Variants in IDH2 observed in about 807,000 individuals in gnomAD.
IDH2 encodes isocitrate dehydrogenase (NADP(+)) 2, also known as isocitrate dehydrogenase [NADP], mitochondrial.
IDH2 carries 18 observed loss-of-function variants against 50.5 expected under a neutral mutation model. That is an observed-to-expected ratio of 0.36 (90% CI 0.25 to 0.53). The LOEUF (loss-of-function observed/expected upper bound fraction) is 0.53, where lower values mean the gene tolerates loss of function less well. IDH2 is among the 20% of genes least tolerant of loss of function. The probability of loss-of-function intolerance (pLI) is 0.92; values close to 1 mark genes in which losing one functional copy is unlikely to be tolerated. For synonymous variants in IDH2, 280 were observed against 239.8 expected (o/e 1.17, Z -1.55); for missense variants, 518 against 610.7 (o/e 0.85, Z 1.60).
rs370791067 is a variant in IDH2, at chr15:90,088,517, G to C, written c.535-15C>G. ...GTGGCCTTGTACTGCAGAGACAAGA[G>C]GATGGCTAGGCGAGGAGCTCCAGTC... On this transcript the variant is annotated splice_polypyrimidine_tract_variant and intron_variant, in intron 4 of 10. Coordinates refer to ENST00000330062, the MANE Select transcript of IDH2 (RefSeq NM_002168.4). 6.2e-7 allele frequency: 1 copy of C among 1,614,112 alleles called. No individual in the cohort carries two copies. Among genetic ancestry groups the C allele is most frequent in the African/African-American group, 1.3e-5 (1 of 74,940 alleles).
At position 90,084,316 on chromosome 15, in the gene IDH2, A is replaced by G; in HGVS notation, c.1309T>C (p.Phe437Leu). The G allele has an allele frequency of 6.2e-7, 1 of 1,614,044 alleles. No individual in the cohort carries two copies. Among genetic ancestry groups the G allele is most frequent in the Non-Finnish European group, 8.5e-7 (1 of 1,179,988 alleles). Residue 437 changes from phenylalanine (F) to leucine (L), a missense_variant, in exon 11 of 11, where the codon TTC (phenylalanine) becomes CTC (leucine). Phe to Leu is a conservative substitution (Grantham distance 22, BLOSUM62 0). Around this residue, in one of 5 missense-constraint regions of IDH2, gnomAD observed 135 missense variants for 167.6 expected, o/e 0.81. Coordinates refer to ENST00000330062, the MANE Select transcript of IDH2 (RefSeq NM_002168.4). The surrounding 1 kb of genome is among the most constrained non-coding windows in gnomAD (Gnocchi z 5.0). Reference protein sequence around the residue: ...LNEHFLNTTDFLDTIKSNLDR... With the variant: ...LNEHFLNTTDLLDTIKSNLDR... The stretch of plus-strand genomic sequence containing the variant: ...AGGTTGCTCTTGATGGTGTCGAGGA[A>G]GTCCGTGGTGTTCAGGAAGTGCTCG...
At position 90,085,241 on chromosome 15, in the gene IDH2, AG is replaced by A; in HGVS notation, c.1080+33del. Reference sequence around the variant, plus strand: ...AGTGGGCTTTAGGCCCCTGGGGTAGAGGGGCATTGTGAGGCCCCATGCCCTG... The same window carrying A: ...AGTGGGCTTTAGGCCCCTGGGGTAGAGGGCATTGTGAGGCCCCATGCCCTG... On this transcript the variant is annotated intron_variant, in intron 8 of 10. Transcript: ENST00000330062. This position sits in a 1 kb window ranked among gnomAD's most constrained non-coding sequence, Gnocchi z 5.5. The A allele has an allele frequency of 6.6e-7, 1 of 1,524,326 alleles. No homozygotes were observed. The allele number at this position is 1,524,326 out of a possible 1,614,324, so 94.4% of individuals were successfully genotyped here.
intron 7 of IDH2, 122 bp downstream of exon 7, chr15:90,086,988 CCA>C (rs1158613014): frequency 1.4e-5 from 15 of 1,053,920 alleles, no homozygotes; most frequent in Non-Finnish European, 2.2e-5. Context: ...CCCCTGCTGT[CCA>C]CAGAGGACCC....
intron 5 of IDH2, among the ~76,000 whole-genome samples, chr15:90,088,022 A>G (rs1351429561): frequency 6.6e-6 from 1 of 152,026 alleles, no homozygotes; most frequent in East Asian, 1.9e-4. Context: ...GGGGATAAAG[A>G]GGCATTCTCT....
chr15:90,098,669 G>A lies in IDH2; in HGVS notation c.115+3607C>T, dbSNP rs1459013809. Among the ~76,000 whole-genome samples, 2 of 71,586 alleles carry A rather than the reference G, an allele frequency of 2.8e-5. No homozygotes were observed. The highest frequency in any genetic ancestry group is 1.2e-4 in the Admixed American group (1 of 8,238). 47.0% of individuals were successfully genotyped at this position (71,586 alleles called of 152,430 possible). A position where few individuals can be genotyped will look rare whatever the true frequency, so the allele number is the denominator to read the frequency against. ...AGGCAATTCTCCTGCCTCAGCCCCT[G>A]AGTAGCTGGGACTACAGGCGCCTGC... is the stretch of plus-strand genomic sequence containing the variant. On this transcript the variant is annotated intron_variant, in intron 1 of 10. Coordinates refer to ENST00000330062, the MANE Select transcript of IDH2 (RefSeq NM_002168.4). This position sits in a 1 kb window ranked among gnomAD's most constrained non-coding sequence, Gnocchi z 5.1.
rs1900823472 is a variant in IDH2, at chr15:90,085,097, C to G, written c.1082G>C (p.Gly361Ala). The G allele has an allele frequency of 6.2e-7, 1 of 1,613,556 alleles. No individual in the cohort carries two copies. The highest frequency in any genetic ancestry group is 8.5e-7 in the Non-Finnish European group (1 of 1,179,872). The part of the protein sequence containing the change: ...VTRHYREHQK[G>A]RPTSTNPIAS... ...GATGGGGTTGGTGCTGGTGGGCCGG[C>G]CCTGGGGACGGGGGTTGCAGGGAGA... is the stretch of plus-strand genomic sequence containing the variant. The change falls in exon 9 of 11, where the codon GGC (glycine) becomes GCC (alanine). Residue 361 changes from glycine to alanine, a missense_variant and splice_region_variant. By Grantham distance (60) the Gly-to-Ala change is moderately conservative. Around this residue, in one of 5 missense-constraint regions of IDH2, gnomAD observed 135 missense variants for 167.6 expected, o/e 0.81. Transcript: ENST00000330062. The surrounding 1 kb of genome is among the most constrained non-coding windows in gnomAD (Gnocchi z 5.5).
At chr15:90,088,906 ATTTTTT>A (rs57901991) in intron 3 of IDH2, among the ~76,000 whole-genome samples, 159 bp from the exon 4 acceptor site, 1,637 of 96,490 alleles carry the variant, frequency 0.017, 50 homozygotes, top group East Asian at 0.14. Flanking sequence ...GAGTCTGCCA[ATTTTTT>A]TTTTTTTTTT....
At chr15:90,087,599 T>C in intron 5 of IDH2, 24 bp from the exon 6 acceptor site, 2 of 1,611,954 alleles carry the variant, frequency 1.2e-6, no homozygotes, top group South Asian at 2.2e-5. Context: ...GACAGGGCCC[T>C]GGCGTGGTGC....
At chr15:90,099,430 A>G (rs1348650304) in intron 1 of IDH2, among the ~76,000 whole-genome samples, 3 of 152,078 alleles carry the variant, frequency 2.0e-5, no homozygotes, top group Non-Finnish European at 4.4e-5. Context: ...ACTTTTGTGC[A>G]CACACCTTTC....
At chr15:90,087,900 T>TG (rs1266091570) in intron 5 of IDH2, among the ~76,000 whole-genome samples, 3 of 146,908 alleles carry the variant, frequency 2.0e-5, no homozygotes, top group Admixed American at 6.9e-5. Flanking sequence ...GGCCTAGCGC[T>TG]GGGGTTGACA....
chr15:90,098,523 T>C lies in IDH2; in HGVS notation c.115+3753A>G, dbSNP rs867072420. Among the ~76,000 whole-genome samples the C allele has an allele frequency of 7.8e-5, 7 of 90,236 alleles. No individual in the cohort carries two copies. The highest frequency in any genetic ancestry group is 2.9e-4 in the East Asian group (1 of 3,490). The allele number at this position is 90,236 out of a possible 152,430, so 59.2% of individuals were successfully genotyped here. On this transcript the variant is annotated intron_variant, in intron 1 of 10. Coordinates refer to ENST00000330062, the MANE Select transcript of IDH2 (RefSeq NM_002168.4). This position sits in a 1 kb window ranked among gnomAD's most constrained non-coding sequence, Gnocchi z 5.1. ...TATTTTATGTATGTATGTATGTATG[T>C]ATGCATGCATGTATGTATGTATGTA...
Position 90,084,707 on chromosome 15 carries a change from C to T in IDH2, c.1271+109G>A. Reference sequence around the variant, plus strand: ...CTCTCAGGGCTGTGGACATGTCCTGCCCCAGGCCCCCTTGCAGCTAAGCTG... The same window carrying T: ...CTCTCAGGGCTGTGGACATGTCCTGTCCCAGGCCCCCTTGCAGCTAAGCTG... On this transcript the variant is annotated intron_variant, in intron 10 of 10. Coordinates refer to ENST00000330062, the MANE Select transcript of IDH2 (RefSeq NM_002168.4). This position sits in a 1 kb window ranked among gnomAD's most constrained non-coding sequence, Gnocchi z 5.0. 1 of 913,356 alleles carries T rather than the reference C, an allele frequency of 1.1e-6. No individual in the cohort carries two copies. Among genetic ancestry groups the T allele is most frequent in the Non-Finnish European group, 1.8e-6 (1 of 555,798 alleles). 56.6% of individuals were successfully genotyped at this position (913,356 alleles called of 1,614,324 possible). A position where few individuals can be genotyped will look rare whatever the true frequency, so the allele number is the denominator to read the frequency against.
In IDH2 at chr15:90,100,112, G is replaced by A. The variant is rs1253425265; in HGVS notation, c.115+2164C>T. On this transcript the variant is annotated intron_variant, in intron 1 of 10. Transcript: ENST00000330062. The surrounding 1 kb of genome is among the most constrained non-coding windows in gnomAD (Gnocchi z 4.1). Reference sequence around the variant, plus strand: ...CAGCAGCCTGCACCAGATGTACACGGGTGGCATCTCTCTCCAGCAATAGGC... The same window carrying A: ...CAGCAGCCTGCACCAGATGTACACGAGTGGCATCTCTCTCCAGCAATAGGC... Among the ~76,000 whole-genome samples the A allele has an allele frequency of 1.3e-5, 2 of 152,074 alleles. No homozygotes were observed. The highest frequency in any genetic ancestry group is 4.1e-4 in the South Asian group (2 of 4,824).
intron 2 of IDH2, 99 bp downstream of exon 2, chr15:90,091,454 G>A (rs1414594641): frequency 1.3e-5 from 10 of 756,298 alleles, no homozygotes; most frequent in African/African-American, 9.0e-5. Flanking sequence ...CAGGACAACG[G>A]GGGGGTCCTA....
rs1900777980 is a variant in IDH2, at chr15:90,083,565, G to C, written c.*701C>G. 1 of 153,328 alleles carries C rather than the reference G, an allele frequency of 6.5e-6. No homozygotes were observed. The highest frequency in any genetic ancestry group is 2.0e-4 in the South Asian group (1 of 4,894). 9.5% of individuals were successfully genotyped at this position (153,328 alleles called of 1,614,324 possible). A position where few individuals can be genotyped will look rare whatever the true frequency, so the allele number is the denominator to read the frequency against. ...CACACCCAAGCCCCTCCAAACTCAG[G>C]CAGCCTTGGAAAGGAGAAGTGTGAG... On this transcript the variant is annotated 3_prime_UTR_variant, in exon 11 of 11. Coordinates refer to ENST00000330062, the MANE Select transcript of IDH2 (RefSeq NM_002168.4).
At chr15:90,101,682 TG>T (rs1901335725) in intron 1 of IDH2, among the ~76,000 whole-genome samples, 1 of 66,412 alleles carries the variant, frequency 1.5e-5, no homozygotes, top group Non-Finnish European at 3.3e-5. Flanking sequence ...GGCGAAGGGG[TG>T]GGGGTGGGGG....
rs769829235 is a variant in IDH2, at chr15:90,084,919, G to A, written c.1179-11C>T. 1.9e-6 allele frequency: 3 copies of A among 1,613,512 alleles called. No homozygotes were observed. The highest frequency in any genetic ancestry group is 1.7e-6 in the Non-Finnish European group (2 of 1,179,658). On this transcript the variant is annotated splice_polypyrimidine_tract_variant and intron_variant, in intron 9 of 10. Coordinates refer to ENST00000330062, the MANE Select transcript of IDH2 (RefSeq NM_002168.4). This position sits in a 1 kb window ranked among gnomAD's most constrained non-coding sequence, Gnocchi z 5.0. ...AGCATCTGGGCAAACCTATGGGGAT[G>A]GGGCAGAATGAGACCCCATCTGTGC...
At position 90,087,287 on chromosome 15, in the gene IDH2, G is replaced by A; in HGVS notation, c.816-24C>T. On this transcript the variant is annotated intron_variant, in intron 6 of 10. Coordinates refer to ENST00000330062, the MANE Select transcript of IDH2 (RefSeq NM_002168.4). ...GCCTGGGAGTAAAAAGGTCTGTTAT[G>A]GGGAGAGGGCAGAAGGCTGACAGGT... 1.9e-6 allele frequency: 3 copies of A among 1,614,036 alleles called. No homozygotes were observed. The South Asian group carries it at 3.3e-5, about 18-fold the overall frequency.
At chr15:90,092,484 C>A (rs1165219170) in intron 1 of IDH2, among the ~76,000 whole-genome samples, 1 of 152,062 alleles carries the variant, frequency 6.6e-6, no homozygotes, top group Non-Finnish European at 1.5e-5. Context: ...TAGCTTACTG[C>A]AGCATTGACT....
Sources: allele counts gnomAD v4.1 joint callset (sites outside exome capture counted in the v4.1 genomes callset), GRCh38; gene constraint gnomAD v4.1.1; regional missense constraint gnomAD v4.1.1; non-coding constraint Gnocchi (gnomAD v3.1); transcripts MANE v1.5; gene names NCBI Gene and HGNC (gene_info 2026-07-23, HGNC 2026-07-21).